Variants in TMPRSS4 observed in about 807,000 individuals in gnomAD.
TMPRSS4 encodes transmembrane protease serine 4.
Under a neutral mutation model 56.4 loss-of-function variants are expected in TMPRSS4, and 45 were observed. The ratio of observed to expected loss-of-function variants is 0.80; its 90% confidence interval spans 0.63 to 1.02. The LOEUF is 1.02. Among genes scored for constraint, TMPRSS4 ranks in the 50% least tolerant of loss-of-function variants. TMPRSS4 has a pLI of 0.00. For synonymous variants in TMPRSS4, 205 were observed against 211.0 expected (o/e 0.97, Z 0.25); for missense variants, 546 against 556.7 (o/e 0.98, Z 0.19).
At chr11:118,125,472 G>A (rs1947870722), downstream of TMPRSS4, 3 of 393,322 alleles carry the variant, frequency 7.6e-6, no homozygotes, top group East Asian at 7.3e-5. Flanking sequence ...ATTTCCCTGG[G>A]ATTGAACCCC....
At chr11:118,084,345 C>T (rs148947852) in intron 1 of TMPRSS4, among the ~76,000 whole-genome samples, 29 of 152,298 alleles carry the variant, frequency 1.9e-4, no homozygotes, top group Admixed American at 1.0e-3. Flanking sequence ...ATGAAGCACT[C>T]GACGAGTTAT....
chr11:118,078,033 AAAAAAAAAAAAGAAAGAAG>A (rs1565403220), intron 1 of TMPRSS4, among the ~76,000 whole-genome samples: 1 of 97,630 alleles, frequency 1.0e-5, no homozygotes, highest in African/African-American at 4.0e-5. Flanking sequence ...AAAAAAAAAA[AAAAAAAAAAAAGAAAGAAG>A]GAAAAGAAAA....
chr11:118,116,703 A>T (rs1462767068), intron 11 of TMPRSS4, among the ~76,000 whole-genome samples: 1 of 145,318 alleles, frequency 6.9e-6, no homozygotes, highest in Non-Finnish European at 1.5e-5. Context: ...AGGTTAAACA[A>T]TGATAACCAG....
intron 1 of TMPRSS4, among the ~76,000 whole-genome samples, chr11:118,082,749 C>T (rs914129386): frequency 3.3e-5 from 5 of 152,016 alleles, no homozygotes; most frequent in South Asian, 2.1e-4. Flanking sequence ...AGACCATTAA[C>T]GATAGAAAAT....
chr11:118,101,960 A>G lies in TMPRSS4; in HGVS notation c.158-1141A>G, dbSNP rs182327931. Among the ~76,000 whole-genome samples the G allele has an allele frequency of 3.8e-3, 585 of 151,962 alleles. 2 individuals are homozygous for G. Among genetic ancestry groups the G allele is most frequent in the Middle Eastern group, 0.01 (3 of 292 alleles). On this transcript the variant is annotated intron_variant, in intron 3 of 12. Coordinates refer to ENST00000437212, the MANE Select transcript of TMPRSS4 (RefSeq NM_019894.4). ...CACAGATCTTTCTCTTTTTTTCTTA[A>G]TTTTAGTTCTTTTTACTTATATATT...
chr11:118,095,277 T>A (rs1946224112), intron 2 of TMPRSS4: 1 of 163,296 alleles, frequency 6.1e-6, no homozygotes, highest in Admixed American at 6.0e-5. Flanking sequence ...CTTGCCTGAT[T>A]TCCAAGGGAA....
At chr11:118,115,391 C>T (rs1355326587) in intron 11 of TMPRSS4, 111 bp downstream of exon 11, 4 of 1,338,084 alleles carry the variant, frequency 3.0e-6, no homozygotes, top group Admixed American at 2.5e-5. Flanking sequence ...ATCATGGGCA[C>T]TCAATGTGTG....
At position 118,103,100 on chromosome 11, in the gene TMPRSS4, G is replaced by A; in HGVS notation, c.158-1G>A. On this transcript the variant is annotated splice_acceptor_variant, in intron 3 of 12. Transcript: ENST00000437212. LOFTEE classifies it high-confidence loss of function. ...TGCCTCTCCCTGCACTTGCCTTCCA[G>A]TCAAGGTGATTCTGGATAAATACTA... The A allele has an allele frequency of 6.2e-7, 1 of 1,614,042 alleles. No individual in the cohort carries two copies. Among genetic ancestry groups the A allele is most frequent in the South Asian group, 1.1e-5 (1 of 91,058 alleles).
chr11:118,099,560 A>G (rs984892072), intron 3 of TMPRSS4, among the ~76,000 whole-genome samples: 54 of 152,170 alleles, frequency 3.5e-4, no homozygotes, highest in Non-Finnish European at 1.0e-4. Flanking sequence ...AGGGGAGATG[A>G]ACTCAGCCCC....
In TMPRSS4 at chr11:118,120,411, C is replaced by T. The variant is rs1286607097; in HGVS notation, c.*2498C>T. ...GATATATTGCTTTCCATAGAGACTG[C>T]ACCATTTTACATTCCCATCAACAGT... On this transcript the variant is annotated 3_prime_UTR_variant, in exon 13 of 13. Transcript: ENST00000437212. 1.3e-5 allele frequency: 2 copies of T among 152,116 alleles called. No individual in the cohort carries two copies. Among genetic ancestry groups the T allele is most frequent in the African/African-American group, 4.8e-5 (2 of 41,410 alleles). 9.4% of individuals were successfully genotyped at this position (152,116 alleles called of 1,614,324 possible). A position where few individuals can be genotyped will look rare whatever the true frequency, so the allele number is the denominator to read the frequency against.
intron 1 of TMPRSS4, among the ~76,000 whole-genome samples, chr11:118,093,825 C>CT (rs1555083613): frequency 5.9e-5 from 9 of 151,402 alleles, no homozygotes; most frequent in African/African-American, 1.2e-4. Flanking sequence ...ACTGCCCCCC[C>CT]CAATGGTAAC....
intron 5 of TMPRSS4, 150 bp from the exon 6 acceptor site, chr11:118,107,624 C>A: frequency 1.7e-6 from 1 of 602,590 alleles, no homozygotes; most frequent in Non-Finnish European, 2.9e-6. Flanking sequence ...CAGGCCCCAT[C>A]TTCACTGACT....
At chr11:118,083,279 G>A (rs182095724) in intron 1 of TMPRSS4, among the ~76,000 whole-genome samples, 2 of 152,266 alleles carry the variant, frequency 1.3e-5, no homozygotes, top group Non-Finnish European at 2.9e-5. Context: ...TTTCTCAGAC[G>A]GCCACACACA....
intron 1 of TMPRSS4, among the ~76,000 whole-genome samples, chr11:118,083,952 C>T (rs375113012): frequency 2.0e-5 from 3 of 152,096 alleles, no homozygotes; most frequent in Non-Finnish European, 4.4e-5. Context: ...CCAGGAGAAT[C>T]GCTTTTACCT....
intron 8 of TMPRSS4, 112 bp from the exon 9 acceptor site, chr11:118,113,157 T>G (rs1461016083): frequency 1.8e-6 from 2 of 1,084,910 alleles, no homozygotes; most frequent in Non-Finnish European, 2.6e-6. Context: ...TCATCTTTCC[T>G]CCCAAGGCAG....
chr11:118,094,757 G>A, intron 1 of TMPRSS4, 59 bp from the exon 2 acceptor site: 1 of 1,540,068 alleles, frequency 6.5e-7, no homozygotes. Flanking sequence ...CCTCCCGTAG[G>A]CTGCTAGCCC....
chr11:118,111,955 A>G, intron 8 of TMPRSS4, 55 bp downstream of exon 8: 1 of 1,576,410 alleles, frequency 6.3e-7, no homozygotes, highest in Non-Finnish European at 8.6e-7. Context: ...CAGGGACCAG[A>G]GAGCTTGGGG....
Position 118,113,454 on chromosome 11 carries a change from G to A in TMPRSS4, c.910+19G>A. The stretch of plus-strand genomic sequence containing the variant: ...TTCTCAGGTGAGAAGCAGGGCCCAA[G>A]GCCACTCAAGCCTCTTACATCAGTT... On this transcript the variant is annotated intron_variant, in intron 9 of 12. Transcript: ENST00000437212. The A allele has an allele frequency of 6.2e-7, 1 of 1,611,904 alleles. No homozygotes were observed. The highest frequency in any genetic ancestry group is 1.7e-4 in the Middle Eastern group (1 of 6,044).
intron 1 of TMPRSS4, among the ~76,000 whole-genome samples, chr11:118,083,940 A>C (rs1945344835): frequency 6.6e-6 from 1 of 152,106 alleles, no homozygotes; most frequent in African/African-American, 2.4e-5. Context: ...CTGGAGGCTG[A>C]GCCAGGAGAA....
Sources: gnomAD v4.1 joint callset for allele counts (sites outside exome capture counted in the v4.1 genomes callset) on GRCh38, gnomAD v4.1.1 for gene constraint, MANE v1.5 for transcripts, NCBI Gene and HGNC (gene_info 2026-07-23, HGNC 2026-07-21) for gene names.